The following ZBTB20 variants were observed in gnomAD, a reference collection of about 807,000 sequenced individuals.
ZBTB20 encodes the protein zinc finger and BTB domain containing 20, also known as zinc finger and BTB domain-containing protein 20.
A neutral mutation model predicts 56.9 loss-of-function variants in ZBTB20; 9 were observed. The ratio of observed to expected loss-of-function variants is 0.16; its 90% CI spans 0.10 to 0.28. The LOEUF (loss-of-function observed/expected upper bound fraction) is 0.28, where lower values mean the gene tolerates loss of function less well. Ranked by LOEUF, ZBTB20 falls within the 10% of genes least tolerant of loss-of-function variation. ZBTB20 has a pLI of 1.00. For synonymous variants in ZBTB20, 417 were observed against 420.7 expected (o/e 0.99, Z 0.11); for missense variants, 655 against 1,003.0 (o/e 0.65, Z 4.69).
intron 7 of ZBTB20, among the ~76,000 whole-genome samples, chr3:114,431,399 T>C (rs1440318006): frequency 1.3e-5 from 2 of 152,174 alleles, no homozygotes; most frequent in African/African-American, 2.4e-5. Flanking sequence ...CTACATTACG[T>C]ATAAAAACGA....
chr3:114,701,752 GA>G (rs1055527221), intron 5 of ZBTB20, among the ~76,000 whole-genome samples: 17 of 147,708 alleles, frequency 1.2e-4, no homozygotes, highest in East Asian at 2.0e-4. Flanking sequence ...CCATCTAACT[GA>G]AAAAAAAAAG....
chr3:114,703,498 G>A (rs1406342535), intron 5 of ZBTB20, among the ~76,000 whole-genome samples: 2 of 92,366 alleles, frequency 2.2e-5, no homozygotes, highest in Non-Finnish European at 6.2e-5. Flanking sequence ...AAAATGGAGG[G>A]ACTACTTTTT....
At chr3:114,422,073 T>G (rs762060660) in intron 7 of ZBTB20, among the ~76,000 whole-genome samples, 3 of 152,186 alleles carry the variant, frequency 2.0e-5, no homozygotes, top group South Asian at 4.1e-4. Flanking sequence ...CACAAGTAGA[T>G]GAAGTTTAGA....
At chr3:114,997,468 C>CA (rs2079074232) in intron 2 of ZBTB20, among the ~76,000 whole-genome samples, 1 of 151,364 alleles carries the variant, frequency 6.6e-6, no homozygotes, top group African/African-American at 2.4e-5. Flanking sequence ...CATGAAAAGT[C>CA]AAAAAGCAAA....
chr3:114,633,480 G>T (rs1056153237), intron 6 of ZBTB20, among the ~76,000 whole-genome samples: 1 of 152,130 alleles, frequency 6.6e-6, no homozygotes, highest in South Asian at 2.1e-4. Context: ...GAATAAGAAA[G>T]AATTTGGTTT....
chr3:114,880,140 T>C (rs2076344797), intron 4 of ZBTB20, among the ~76,000 whole-genome samples: 1 of 152,204 alleles, frequency 6.6e-6, no homozygotes, highest in African/African-American at 2.4e-5. Context: ...TGTGCAATGA[T>C]TAGTATGAGT....
intron 3 of ZBTB20, among the ~76,000 whole-genome samples, chr3:114,903,952 G>A (rs1300123953): frequency 6.6e-6 from 1 of 151,824 alleles, no homozygotes; most frequent in Non-Finnish European, 1.5e-5. Flanking sequence ...TACTGATGTT[G>A]TTCTAGTCCT....
chr3:114,868,740 T>G (rs2075871229), intron 4 of ZBTB20, among the ~76,000 whole-genome samples: 1 of 152,208 alleles, frequency 6.6e-6, no homozygotes, highest in Non-Finnish European at 1.5e-5. Flanking sequence ...TATCTTGCAT[T>G]AGCTTGTATC....
intron 1 of ZBTB20, among the ~76,000 whole-genome samples, chr3:115,115,583 T>C (rs1560584082): frequency 6.6e-6 from 1 of 152,106 alleles, no homozygotes; most frequent in Admixed American, 6.5e-5. Context: ...TTTCTATACA[T>C]ATTCTAGCAG....
rs537963300 is a variant in ZBTB20, at chr3:114,792,807, G to C, written c.-343+8294C>G. Among the ~76,000 whole-genome samples, 35 of 151,866 alleles carry C rather than the reference G, an allele frequency of 2.3e-4. No individual in the cohort carries two copies. The South Asian group carries it at 3.7e-3, about 16-fold the overall frequency. ...ATTCACTTCAAATGTATTCCTCACT[G>C]GTCTTTAGAAAACAGTGCTAGCAAT... On this transcript the variant is annotated intron_variant, in intron 5 of 11. Transcript: ENST00000675478.
chr3:114,810,699 C>T (rs1050348581), intron 4 of ZBTB20, among the ~76,000 whole-genome samples: 3 of 152,180 alleles, frequency 2.0e-5, no homozygotes, highest in South Asian at 2.1e-4. Context: ...TGGGCATAAA[C>T]GACTTATGCC....
At chr3:115,016,348 T>C (rs2079957545) in intron 2 of ZBTB20, among the ~76,000 whole-genome samples, 1 of 152,008 alleles carries the variant, frequency 6.6e-6, no homozygotes, top group Non-Finnish European at 1.5e-5. Context: ...TTTGCTTTTG[T>C]TGCAATTGCT....
intron 4 of ZBTB20, among the ~76,000 whole-genome samples, chr3:114,826,954 G>T (rs1253682167): frequency 6.6e-6 from 1 of 151,618 alleles, no homozygotes; most frequent in East Asian, 1.9e-4. Flanking sequence ...TAGCCCTGAT[G>T]CTATATTTGT....
At chr3:114,480,695 A>G (rs897581846) in intron 7 of ZBTB20, among the ~76,000 whole-genome samples, 1 of 152,184 alleles carries the variant, frequency 6.6e-6, no homozygotes, top group African/African-American at 2.4e-5. Flanking sequence ...AACCTGCTGG[A>G]TTACTCAACT....
At chr3:114,535,760 C>T (rs895683384) in intron 6 of ZBTB20, among the ~76,000 whole-genome samples, 3 of 152,086 alleles carry the variant, frequency 2.0e-5, no homozygotes, top group African/African-American at 2.4e-5. Flanking sequence ...ACTGGCAAAC[C>T]GAATCCAGCA....
chr3:114,410,597 C>A (rs1440916763), intron 7 of ZBTB20, among the ~76,000 whole-genome samples: 1 of 152,164 alleles, frequency 6.6e-6, no homozygotes, highest in African/African-American at 2.4e-5. Flanking sequence ...TGGAAAAAAA[C>A]TGAAATGTGT....
intron 10 of ZBTB20, among the ~76,000 whole-genome samples, chr3:114,360,396 T>C (rs1448108262): frequency 8.1e-5 from 12 of 148,718 alleles, no homozygotes; most frequent in Admixed American, 6.9e-5. Context: ...TAGGCTGGAG[T>C]GCAGTGGCGC....
In ZBTB20 at chr3:114,321,328, T is replaced by C. The variant is rs751128886; in HGVS notation, c.*17677A>G. ...TTTCTACAATGCATTGGTTTCCTTC[T>C]GTTGCGGAGCATTCTTTAGGATTAG... On this transcript the variant is annotated 3_prime_UTR_variant, in exon 12 of 12. Transcript: ENST00000675478. 5 of 152,250 alleles carry C rather than the reference T, an allele frequency of 3.3e-5. No homozygotes were observed. Among genetic ancestry groups the C allele is most frequent in the Non-Finnish European group, 5.9e-5 (4 of 68,052 alleles). The allele number at this position is 152,250 out of a possible 1,614,324, so 9.4% of individuals were successfully genotyped here. A position where few individuals can be genotyped will look rare whatever the true frequency, so the allele number is the denominator to read the frequency against.
In ZBTB20 at chr3:114,416,317, A is replaced by G. The variant is rs372351235; in HGVS notation, c.-254-27212T>C. ...AGACATATGATAATTTCAATTCCTT[A>G]GCAATACTTAAAAAAAAAAAAAAAA... On this transcript the variant is annotated intron_variant, in intron 7 of 11. Transcript: ENST00000675478. Among the ~76,000 whole-genome samples the G allele has an allele frequency of 6.7e-3, 523 of 77,856 alleles. 3 individuals carry two copies. The highest frequency in any genetic ancestry group is 0.018 in the African/African-American group (486 of 26,350). The allele number at this position is 77,856 out of a possible 152,430, so 51.1% of individuals were successfully genotyped here.
Sources: allele counts gnomAD v4.1 joint callset (sites outside exome capture counted in the v4.1 genomes callset), GRCh38; gene constraint gnomAD v4.1.1; transcripts MANE v1.5; gene names NCBI Gene and HGNC (gene_info 2026-07-23, HGNC 2026-07-21).